The following ARHGEF38 variants were observed in gnomAD, a reference collection of about 807,000 sequenced individuals.
ARHGEF38 encodes Rho guanine nucleotide exchange factor (GEF) 38.
Under a neutral mutation model 79.9 loss-of-function variants are expected in ARHGEF38, and 79 were observed. That is an observed-to-expected ratio of 0.99 (90% confidence interval 0.82 to 1.19). The LOEUF is 1.19. Among genes scored for constraint, ARHGEF38 ranks in the 50% most tolerant of loss-of-function variants. ARHGEF38 has a pLI of 0.00. For missense variants in ARHGEF38, 962 were observed against 907.2 expected (o/e 1.06, Z -0.78); for synonymous variants, 366 against 328.3 (o/e 1.11, Z -1.24).
chr4:105,597,468 T>C (rs1578294649), intron 2 of ARHGEF38, among the ~76,000 whole-genome samples: 1 of 152,194 alleles, frequency 6.6e-6, no homozygotes, highest in Non-Finnish European at 1.5e-5. Flanking sequence ...TCTCTCTCTT[T>C]CTTTTTAAAT....
chr4:105,652,223 G>A (rs559135875), intron 7 of ARHGEF38, among the ~76,000 whole-genome samples: 7 of 152,244 alleles, frequency 4.6e-5, no homozygotes, highest in African/African-American at 1.7e-4. Context: ...TCTAAAATGG[G>A]AGTAATCATA....
intron 3 of ARHGEF38, among the ~76,000 whole-genome samples, chr4:105,625,480 A>G (rs931185741): frequency 2.0e-5 from 3 of 152,238 alleles, no homozygotes; most frequent in East Asian, 1.9e-4. Context: ...CTGCTCCACA[A>G]GGTGCTCTGG....
chr4:105,558,249 A>G (rs542701584), intron 1 of ARHGEF38, among the ~76,000 whole-genome samples: 17 of 152,178 alleles, frequency 1.1e-4, no homozygotes, highest in Non-Finnish European at 2.2e-4. Context: ...GTTTTTTAAG[A>G]ATATAGACAG....
intron 13 of ARHGEF38, among the ~76,000 whole-genome samples, chr4:105,673,755 A>T (rs1022072228): frequency 6.6e-6 from 1 of 152,064 alleles, no homozygotes; most frequent in Non-Finnish European, 1.5e-5. Flanking sequence ...TACTAATAGC[A>T]GTTGGGTGGG....
chr4:105,673,190 G>A (rs1297283654), intron 13 of ARHGEF38, among the ~76,000 whole-genome samples: 1 of 152,092 alleles, frequency 6.6e-6, no homozygotes, highest in African/African-American at 2.4e-5. Flanking sequence ...CACAGTCAAG[G>A]GGAGGAGATT....
chr4:105,593,830 T>C (rs1477405212), intron 2 of ARHGEF38, among the ~76,000 whole-genome samples: 7 of 152,322 alleles, frequency 4.6e-5, no homozygotes, highest in African/African-American at 1.7e-4. Flanking sequence ...GTTCTCAGAA[T>C]TGGTGTCTTA....
rs1246591671 is a variant in ARHGEF38, at chr4:105,645,392, G to A, written c.874+5G>A. 6.6e-7 allele frequency: 1 copy of A among 1,513,830 alleles called. No individual in the cohort carries two copies. Among genetic ancestry groups the A allele is most frequent in the Non-Finnish European group, 8.8e-7 (1 of 1,137,776 alleles). The allele number at this position is 1,513,830 out of a possible 1,614,324, so 93.8% of individuals were successfully genotyped here. A position where few individuals can be genotyped will look rare whatever the true frequency, so the allele number is the denominator to read the frequency against. Reference sequence around the variant, plus strand: ...TTAAAAGAAGGAAAGATTTAGGTAGGAAGAGACATGATGAATTGGTTGTTT... The same window carrying A: ...TTAAAAGAAGGAAAGATTTAGGTAGAAAGAGACATGATGAATTGGTTGTTT... On this transcript the variant is annotated splice_donor_5th_base_variant and intron_variant, in intron 6 of 13. Coordinates refer to ENST00000420470, the MANE Select transcript of ARHGEF38 (RefSeq NM_001242729.2).
intron 3 of ARHGEF38, among the ~76,000 whole-genome samples, chr4:105,629,514 C>T (rs1729093114): frequency 6.6e-6 from 1 of 151,674 alleles, no homozygotes; most frequent in South Asian, 2.1e-4. Flanking sequence ...ATAATAGGTC[C>T]AGATTAATAG....
chr4:105,642,540 G>A (rs1386258574), intron 5 of ARHGEF38, among the ~76,000 whole-genome samples: 1 of 152,040 alleles, frequency 6.6e-6, no homozygotes. Flanking sequence ...AGAAATGAGA[G>A]CAGTTCTTAA....
chr4:105,661,474 TTTATTATTA>T (rs140964351), intron 10 of ARHGEF38, among the ~76,000 whole-genome samples: 9,467 of 141,722 alleles, frequency 0.067, 361 homozygotes, highest in Middle Eastern at 0.13. Flanking sequence ...TCCACACCTC[TTTATTATTA>T]TTATTATTAT....
At chr4:105,599,819 A>G (rs1241094779) in intron 2 of ARHGEF38, among the ~76,000 whole-genome samples, 1 of 152,200 alleles carries the variant, frequency 6.6e-6, no homozygotes, top group Admixed American at 6.5e-5. Context: ...AGATGATTAC[A>G]TGAGTTAATT....
At chr4:105,553,885 T>C (rs984018396) in intron 1 of ARHGEF38, among the ~76,000 whole-genome samples, 11 of 152,144 alleles carry the variant, frequency 7.2e-5, no homozygotes, top group Admixed American at 5.9e-4. Flanking sequence ...ATTTAAAAAC[T>C]GTGATGAGGT....
chr4:105,634,896 G>C (rs992281019), intron 4 of ARHGEF38, among the ~76,000 whole-genome samples: 1 of 152,122 alleles, frequency 6.6e-6, no homozygotes, highest in Non-Finnish European at 1.5e-5. Flanking sequence ...TCCATTCAGG[G>C]AGGAAGCTAA....
At chr4:105,645,728 A>T (rs190833821) in intron 6 of ARHGEF38, among the ~76,000 whole-genome samples, 3 of 152,334 alleles carry the variant, frequency 2.0e-5, no homozygotes, top group Admixed American at 6.5e-5. Flanking sequence ...AGAAATGGCC[A>T]CGTTGCAATA....
intron 4 of ARHGEF38, 176 bp downstream of exon 4, chr4:105,631,221 T>A: frequency 8.0e-7 from 1 of 1,256,108 alleles, no homozygotes; most frequent in Non-Finnish European, 1.0e-6. Flanking sequence ...TGATTGACTT[T>A]TTTTCCCCCT....
chr4:105,559,538 C>T (rs541188889), intron 1 of ARHGEF38, among the ~76,000 whole-genome samples: 1 of 152,090 alleles, frequency 6.6e-6, no homozygotes, highest in East Asian at 1.9e-4. Flanking sequence ...TGGTCCCCTG[C>T]CAAATTTTGG....
At chr4:105,631,844 A>T (rs1729206230) in intron 4 of ARHGEF38, among the ~76,000 whole-genome samples, 1 of 152,222 alleles carries the variant, frequency 6.6e-6, no homozygotes. Flanking sequence ...ACCATACTCC[A>T]CATCTTACCC....
chr4:105,667,815 G>A (rs778808756), intron 13 of ARHGEF38, 112 bp downstream of exon 13: 240 of 1,289,324 alleles, frequency 1.9e-4, no homozygotes, highest in Non-Finnish European at 2.3e-4. Flanking sequence ...TTGACATCAA[G>A]GAGACCTGGC....
At position 105,654,124 on chromosome 4, in the gene ARHGEF38, G is replaced by A. The variant is rs763821337; in HGVS notation, c.1068G>A (p.Val356=). The A allele has an allele frequency of 6.3e-4, 958 of 1,521,754 alleles. 1 individual carries two copies. The highest frequency in any genetic ancestry group is 7.9e-4 in the Non-Finnish European group (894 of 1,137,048). 94.3% of individuals were successfully genotyped at this position (1,521,754 alleles called of 1,614,324 possible). The change falls in exon 8 of 14, where the codon GTG becomes GTA. Residue 356 remains valine, a synonymous_variant. Transcript: ENST00000420470. ...TGTTTAGAGCTTTAGAAAAGACTGT[G>A]AGGCTTTGTGTGAAGAACATTTCAC... ...EKLFRALEKT[V]RLCVKNISLC...
Sources: gnomAD v4.1 joint callset for allele counts (sites outside exome capture counted in the v4.1 genomes callset) on GRCh38, gnomAD v4.1.1 for gene constraint, MANE v1.5 for transcripts, NCBI Gene and HGNC (gene_info 2026-07-23, HGNC 2026-07-21) for gene names.